RARB: variants seen among roughly 807,000 people sequenced by gnomAD.
The protein encoded by RARB is HBV-activated protein.
In RARB, 17 loss-of-function variants were observed where a neutral mutation model predicts 51.9. That is an observed-to-expected ratio of 0.33 (90% CI 0.22 to 0.49). RARB has a LOEUF of 0.49. Among genes scored for constraint, RARB ranks in the 20% least tolerant of loss-of-function variants. The pLI, the probability that RARB is intolerant of heterozygous loss-of-function variation, is 0.99. For missense variants in RARB, 369 were observed against 550.8 expected, an observed-to-expected ratio of 0.67 and a Z score of 3.30; for synonymous variants, 215 against 195.4, an observed-to-expected ratio of 1.10 and a Z score of -0.84.
At chr3:25,365,916 C>T (rs911593935) in intron 5 of RARB, among the ~76,000 whole-genome samples, 1 of 152,218 alleles carries the variant, frequency 6.6e-6, no homozygotes, top group Non-Finnish European at 1.5e-5. Flanking sequence ...GTAGTCACAA[C>T]TGTGCCTCCA....
At position 25,242,834 on chromosome 3, in the gene RARB, A is replaced by G. The variant is rs985250761; in HGVS notation, c.178+68259A>G. Among the ~76,000 whole-genome samples the G allele has an allele frequency of 7.2e-5, 11 of 152,202 alleles. No individual in the cohort carries two copies. In the South Asian group the frequency reaches 1.7e-3, roughly 23 times the overall value. ...ATGAAATTTAAAGAAGTTTTTTCCAATTTTATGAAGAAAGTCAATGGTACT... is the reference window on the plus strand; with the variant it reads ...ATGAAATTTAAAGAAGTTTTTTCCAGTTTTATGAAGAAAGTCAATGGTACT... On this transcript the variant is annotated intron_variant, in intron 5 of 11. Coordinates refer to the RARB transcript ENST00000383772.
At chr3:24,849,118 C>T (rs1702522656) in intron 1 of RARB, among the ~76,000 whole-genome samples, 1 of 151,994 alleles carries the variant, frequency 6.6e-6, no homozygotes, top group Admixed American at 6.5e-5. Context: ...TATGTTTTTT[C>T]CTATACATAC....
intron 2 of RARB, among the ~76,000 whole-genome samples, chr3:24,919,188 A>G (rs750533380): frequency 7.2e-5 from 11 of 152,224 alleles, no homozygotes; most frequent in Non-Finnish European, 1.5e-4. Context: ...GATAATAATG[A>G]TCTAGAGGCA....
chr3:25,277,222 G>A (rs375593537), intron 5 of RARB, among the ~76,000 whole-genome samples: 29 of 152,244 alleles, frequency 1.9e-4, no homozygotes, highest in Middle Eastern at 3.4e-3. Context: ...GTAGATTTGC[G>A]TTGTGGAGGC....
At chr3:25,326,861 T>G (rs534786532) in intron 5 of RARB, among the ~76,000 whole-genome samples, 1 of 152,158 alleles carries the variant, frequency 6.6e-6, no homozygotes, top group Admixed American at 6.5e-5. Flanking sequence ...TATTATACTT[T>G]AACTTTTAGG....
intron 5 of RARB, among the ~76,000 whole-genome samples, chr3:25,285,136 C>T (rs937346520): frequency 3.3e-5 from 5 of 152,070 alleles, no homozygotes; most frequent in African/African-American, 1.2e-4. Flanking sequence ...CCTCAATGAT[C>T]ACAACAGTGA....
chr3:24,932,355 G>C (rs1375266445), intron 2 of RARB, among the ~76,000 whole-genome samples: 2 of 152,060 alleles, frequency 1.3e-5, no homozygotes, highest in Non-Finnish European at 2.9e-5. Flanking sequence ...CTGGTACTAT[G>C]ATATGAATGG....
intron 1 of RARB, among the ~76,000 whole-genome samples, chr3:25,452,367 A>T (rs1323834888): frequency 4.6e-5 from 7 of 152,240 alleles, no homozygotes; most frequent in Non-Finnish European, 2.9e-5. Context: ...GGTAAAAGCC[A>T]GTCCCAGGAA....
At position 25,303,080 on chromosome 3, in the gene RARB, C is replaced by A. The variant is rs189769795; in HGVS notation, c.178+128505C>A. On this transcript the variant is annotated intron_variant, in intron 5 of 11. Coordinates refer to the RARB transcript ENST00000383772. Reference sequence around the variant, plus strand: ...ATGGCCATCAGAGCCTGTATTTATTCTCTTATTTCCTTGAGTTCTTTCTCA... The same window carrying A: ...ATGGCCATCAGAGCCTGTATTTATTATCTTATTTCCTTGAGTTCTTTCTCA... Among the ~76,000 whole-genome samples the A allele has an allele frequency of 1.9e-3, 284 of 152,272 alleles. 1 individual carries two copies. Among genetic ancestry groups the A allele is most frequent in the Non-Finnish European group, 3.5e-3 (240 of 68,028 alleles).
chr3:24,908,788 T>A (rs925489296), intron 2 of RARB, among the ~76,000 whole-genome samples: 1 of 151,558 alleles, frequency 6.6e-6, no homozygotes, highest in Non-Finnish European at 1.5e-5. Context: ...CCTTTGTAAT[T>A]CTATAAACCA....
chr3:25,125,032 AG>A (rs1191954259), intron 3 of RARB, among the ~76,000 whole-genome samples: 1 of 152,238 alleles, frequency 6.6e-6, no homozygotes, highest in African/African-American at 2.4e-5. Context: ...GAGATCATCT[AG>A]TTTACTAGTA....
chr3:25,485,289 A>G lies in RARB; in HGVS notation c.307-15893A>G, dbSNP rs1254814826. ...AATTAATTCTTGCTCCTAGGAGGTCAACTTGGGGCACTCATTATGGCCTTA... is the reference window on the plus strand; with the variant it reads ...AATTAATTCTTGCTCCTAGGAGGTCGACTTGGGGCACTCATTATGGCCTTA... On this transcript the variant is annotated intron_variant, in intron 2 of 7. Coordinates refer to ENST00000330688, the MANE Select transcript of RARB (RefSeq NM_000965.5). Among the ~76,000 whole-genome samples, 3 of 152,208 alleles carry G rather than the reference A, an allele frequency of 2.0e-5. No individual in the cohort carries two copies. The East Asian group carries it at 5.8e-4, about 29-fold the overall frequency.
intron 2 of RARB, among the ~76,000 whole-genome samples, chr3:25,464,767 G>A (rs1695347555): frequency 6.6e-6 from 1 of 151,966 alleles, no homozygotes; most frequent in Non-Finnish European, 1.5e-5. Flanking sequence ...ACCCTGGGAG[G>A]GAACCCCTGT....
chr3:25,183,910 G>T (rs773913068), intron 5 of RARB, among the ~76,000 whole-genome samples: 3 of 152,000 alleles, frequency 2.0e-5, no homozygotes, highest in Non-Finnish European at 4.4e-5. Context: ...CTTTATATCT[G>T]TCCCCATTAG....
At chr3:24,981,110 A>T (rs182817074) in intron 2 of RARB, among the ~76,000 whole-genome samples, 1 of 152,302 alleles carries the variant, frequency 6.6e-6, no homozygotes, top group Admixed American at 6.5e-5. Context: ...GCAGAACAGC[A>T]AATATTGCTG....
At chr3:25,208,864 A>G (rs73042334) in intron 5 of RARB, among the ~76,000 whole-genome samples, 12,039 of 152,140 alleles carry the variant, frequency 0.079, 640 homozygotes, top group Non-Finnish European at 0.12. Flanking sequence ...GCGCCTGCCT[A>G]CTTCATTATC....
At chr3:25,143,770 C>T (rs1603982) in intron 4 of RARB, among the ~76,000 whole-genome samples, 83,505 of 151,944 alleles carry the variant, frequency 0.55, 23,233 homozygotes, top group East Asian at 0.66. Flanking sequence ...CTTGGAGTTA[C>T]GTGACTTGAA....
chr3:25,091,295 T>C (rs1289100435), intron 3 of RARB, among the ~76,000 whole-genome samples: 1 of 152,186 alleles, frequency 6.6e-6, no homozygotes, highest in African/African-American at 2.4e-5. Flanking sequence ...CATCTCTTTA[T>C]GACAAAGGTT....
At chr3:24,860,269 G>C (rs576460326) in intron 2 of RARB, among the ~76,000 whole-genome samples, 2 of 152,184 alleles carry the variant, frequency 1.3e-5, no homozygotes, top group South Asian at 2.1e-4. Flanking sequence ...ATTGTTCTAG[G>C]AATAAACCTT....
Sources: gnomAD v4.1 joint callset for allele counts (sites outside exome capture counted in the v4.1 genomes callset) on GRCh38, gnomAD v4.1.1 for gene constraint, MANE v1.5 for transcripts, NCBI Gene and HGNC (gene_info 2026-07-23, HGNC 2026-07-21) for gene names.